NAF1: variants seen among roughly 807,000 people sequenced by gnomAD.
NAF1 encodes nuclear assembly factor 1 ribonucleoprotein.
NAF1 carries 11 observed loss-of-function variants against 40.6 expected under a neutral mutation model. That is an observed-to-expected ratio of 0.27 (90% CI 0.17 to 0.45). NAF1 has a LOEUF of 0.45. Among genes scored for constraint, NAF1 ranks in the 20% least tolerant of loss-of-function variants. NAF1 has a pLI of 1.00. For synonymous variants in NAF1, 260 were observed against 228.5 expected, an observed-to-expected ratio of 1.14 and a Z score of -1.24; for missense variants, 607 against 611.1, an observed-to-expected ratio of 0.99 and a Z score of 0.07.
intron 3 of NAF1, 41 bp downstream of exon 3, chr4:163,148,300 G>A (rs755373977): frequency 5.6e-6 from 7 of 1,242,636 alleles, no homozygotes; most frequent in East Asian, 4.9e-5. Context: ...TTATTAGTGT[G>A]TGTTTGGAAA....
chr4:163,135,042 T>C (rs1417810020), intron 6 of NAF1: 2 of 152,214 alleles, frequency 1.3e-5, no homozygotes, highest in Admixed American at 1.3e-4. Context: ...ATTAAATACA[T>C]TTATTCAACC....
rs772832254 is a variant in NAF1 at position 163,129,130 on chromosome 4, T to C, written c.1252A>G (p.Ile418Val). The change falls in exon 8 of 8, where the codon ATT (isoleucine) becomes GTT (valine). Residue 418 changes from isoleucine to valine, a missense_variant. This residue lies in a region of NAF1 where 189 missense variants were observed against 216.6 expected (regional missense o/e 0.87). Coordinates refer to ENST00000274054, the MANE Select transcript of NAF1 (RefSeq NM_138386.3). The part of the protein sequence containing the change: ...GFPSQRQNNP[I>V]MPQYPFPLPV... ...AGAGGAAAGGGGTATTGTGGCATAA[T>C]GGGATTATTTTGTCTCTGAGAAGGA... 2.5e-6 allele frequency: 4 copies of C among 1,613,842 alleles called. No individual in the cohort carries two copies. The highest frequency in any genetic ancestry group is 1.1e-5 in the South Asian group (1 of 91,066).
chr4:163,163,062 G>A (rs1005483744), intron 2 of NAF1, among the ~76,000 whole-genome samples: 4 of 152,090 alleles, frequency 2.6e-5, no homozygotes, highest in Non-Finnish European at 2.9e-5. Flanking sequence ...TTCTTTGTTC[G>A]TTATTATATT....
At chr4:163,126,867 C>T, downstream of NAF1, 1 of 1,410,182 alleles carries the variant, frequency 7.1e-7, no homozygotes, top group Non-Finnish European at 9.3e-7. Context: ...TCCAGACCTT[C>T]CAACAGCTAA....
intron 2 of NAF1, among the ~76,000 whole-genome samples, chr4:163,161,328 C>A (rs768780645): frequency 3.9e-5 from 6 of 152,054 alleles, no homozygotes; most frequent in Non-Finnish European, 5.9e-5. Context: ...AAAAAATTAG[C>A]AAGGCGTGGT....
chr4:163,131,517 G>C (rs945858707), intron 7 of NAF1, among the ~76,000 whole-genome samples: 1 of 152,134 alleles, frequency 6.6e-6, no homozygotes, highest in Non-Finnish European at 1.5e-5. Context: ...TTTTGAAAAA[G>C]AGAAATAAAG....
At chr4:163,140,441 G>T in intron 4 of NAF1, 58 bp from the exon 5 acceptor site, 1 of 1,457,754 alleles carries the variant, frequency 6.9e-7, no homozygotes, top group African/African-American at 1.4e-5. Flanking sequence ...TGAAAAGTCA[G>T]CAGTGTTTTC....
intron 5 of NAF1, among the ~76,000 whole-genome samples, chr4:163,138,829 A>G (rs575407495): frequency 3.9e-5 from 6 of 152,290 alleles, no homozygotes; most frequent in African/African-American, 1.4e-4. Context: ...AAAATACTCT[A>G]TTTGTTAAAA....
chr4:163,107,119 T>C (rs1350698065), downstream of NAF1, among the ~76,000 whole-genome samples: 1 of 152,146 alleles, frequency 6.6e-6, no homozygotes, highest in Admixed American at 6.5e-5. Context: ...CCCGAGTAGC[T>C]GGGATTACAG....
chr4:163,146,725 C>T (rs971420509), intron 3 of NAF1, among the ~76,000 whole-genome samples: 80 of 152,124 alleles, frequency 5.3e-4, no homozygotes, highest in African/African-American at 1.8e-3. Flanking sequence ...CGAGGAAGGA[C>T]GGCTTGAGCC....
At chr4:163,110,820 T>C (rs1267788046) in intron 2 of NAF1, among the ~76,000 whole-genome samples, 5 of 152,174 alleles carry the variant, frequency 3.3e-5, no homozygotes, top group African/African-American at 4.8e-5. Context: ...GTTATTTACA[T>C]ATTTAGTCTT....
chr4:163,148,283 G>T, intron 3 of NAF1, 58 bp downstream of exon 3: 1 of 1,032,962 alleles, frequency 9.7e-7, no homozygotes, highest in Non-Finnish European at 1.4e-6. Flanking sequence ...AAAAGTCATT[G>T]ATTCAATTAT....
downstream of NAF1, among the ~76,000 whole-genome samples, chr4:163,124,133 A>G (rs1730586698): frequency 6.6e-6 from 1 of 152,220 alleles, no homozygotes; most frequent in Non-Finnish European, 1.5e-5. Context: ...AGACAAAGGG[A>G]TTGCTTGAGG....
intron 2 of NAF1, among the ~76,000 whole-genome samples, chr4:163,111,103 T>G (rs1730148134): frequency 6.6e-6 from 1 of 152,204 alleles, no homozygotes; most frequent in Admixed American, 6.5e-5. Flanking sequence ...CTTCAACTAT[T>G]GCATAACTAC....
intron 2 of NAF1, among the ~76,000 whole-genome samples, chr4:163,111,907 A>G (rs942009445): frequency 6.6e-6 from 1 of 152,182 alleles, no homozygotes; most frequent in Non-Finnish European, 1.5e-5. Context: ...TCACGCAAAA[A>G]ACGTTAAGTA....
At chr4:163,158,753 T>C (rs1333482731) in intron 2 of NAF1, among the ~76,000 whole-genome samples, 1 of 152,060 alleles carries the variant, frequency 6.6e-6, no homozygotes, top group Non-Finnish European at 1.5e-5. Context: ...ATCTTTCATG[T>C]TAATTGAGTG....
At chr4:163,139,706 C>T (rs538835288) in intron 5 of NAF1, among the ~76,000 whole-genome samples, 20 of 152,048 alleles carry the variant, frequency 1.3e-4, no homozygotes, top group African/African-American at 4.8e-4. Context: ...CTCCATACAC[C>T]GTAACTTTCT....
downstream of NAF1, among the ~76,000 whole-genome samples, chr4:163,128,296 T>A (rs1463555): frequency 0.85 from 129,534 of 152,184 alleles, 55,452 homozygotes; most frequent in African/African-American, 0.95. Context: ...AATAAAGGAA[T>A]TATTTTGCAC....
chr4:163,108,024 A>G (rs1730077204), downstream of NAF1, among the ~76,000 whole-genome samples: 1 of 152,224 alleles, frequency 6.6e-6, no homozygotes, highest in African/African-American at 2.4e-5. Flanking sequence ...GAACATTGTC[A>G]AGTATATTTC....
Sources: gnomAD v4.1 joint callset for allele counts (sites outside exome capture counted in the v4.1 genomes callset) on GRCh38, gnomAD v4.1.1 for gene constraint, gnomAD v4.1.1 regional missense constraint, MANE v1.5 for transcripts, NCBI Gene and HGNC (gene_info 2026-07-23, HGNC 2026-07-21) for gene names.